The following UGT1A9 variants were observed in gnomAD, a reference collection of about 807,000 sequenced individuals.
UGT1A9 encodes UDP glucuronosyltransferase family 1 member A9, also known as UDP-glucuronosyltransferase 1A9.
In UGT1A9, 35 loss-of-function variants were observed where a neutral mutation model predicts 45.0. The observed-to-expected ratio is 0.78, with a 90% confidence interval of 0.59 to 1.03. The LOEUF (loss-of-function observed/expected upper bound fraction) is 1.03. Among genes scored for constraint, UGT1A9 ranks in the 50% least tolerant of loss-of-function variants. The pLI is 0.00. For missense variants in UGT1A9, 687 were observed against 666.6 expected, an observed-to-expected ratio of 1.03 and a Z score of -0.34; for synonymous variants, 278 against 250.6, an observed-to-expected ratio of 1.11 and a Z score of -1.03.
At chr2:233,681,395 A>T (rs4530361) in intron 1 of UGT1A9, among the ~76,000 whole-genome samples, 1 of 151,480 alleles carries the variant, frequency 6.6e-6, no homozygotes, top group African/African-American at 2.4e-5. Flanking sequence ...TTAGCTGGGC[A>T]TGGCAGCGTG....
In UGT1A9 at chr2:233,747,664, T is replaced by G. The variant is rs942017762; in HGVS notation, c.856-19370T>G. ...GCTACTTCCTTCGATGTGGTTTTAA[T>G]AGACCCAATTTACCTCTGTGGGGCA... On this transcript the variant is annotated intron_variant, in intron 1 of 4. Coordinates refer to ENST00000354728, the MANE Select transcript of UGT1A9 (RefSeq NM_021027.3). The G allele has an allele frequency of 5.0e-6, 8 of 1,600,932 alleles. No individual in the cohort carries two copies. The African/African-American group carries it at 1.1e-4, about 22-fold the overall frequency.
At chr2:233,743,741 G>T (rs374389189) in intron 1 of UGT1A9, 6 of 1,367,230 alleles carry the variant, frequency 4.4e-6, no homozygotes, top group Non-Finnish European at 4.9e-6. Flanking sequence ...GCGTTTCTTG[G>T]CGTCCGACAA....
At chr2:233,728,607 C>G (rs868048236) in intron 1 of UGT1A9, among the ~76,000 whole-genome samples, 1 of 152,210 alleles carries the variant, frequency 6.6e-6, no homozygotes, top group South Asian at 2.1e-4. Flanking sequence ...CCAGCCTCCA[C>G]GCTGTTCAGA....
At chr2:233,689,804 T>C (rs2074959921) in intron 1 of UGT1A9, 1 of 438,570 alleles carries the variant, frequency 2.3e-6, no homozygotes. Context: ...GTAGTTTCTA[T>C]AGGAAACCAA....
chr2:233,748,790 T>G (rs913029718), intron 1 of UGT1A9, among the ~76,000 whole-genome samples: 4 of 151,342 alleles, frequency 2.6e-5, no homozygotes, highest in African/African-American at 9.8e-5. Context: ...CTACTTGGAA[T>G]GCTGAAATTA....
intron 4 of UGT1A9, chr2:233,771,032 G>A (rs560864303): frequency 1.4e-4 from 22 of 152,232 alleles, no homozygotes; most frequent in African/African-American, 4.8e-4. Flanking sequence ...AGTTGGGGGG[G>A]AAGGTGCCAC....
chr2:233,725,665 A>G (rs933805382), intron 1 of UGT1A9, among the ~76,000 whole-genome samples: 6 of 152,202 alleles, frequency 3.9e-5, no homozygotes, highest in Admixed American at 3.9e-4. Context: ...TCAATTTGGA[A>G]TAGTCACATT....
rs193246215 is a variant in UGT1A9, at chr2:233,754,852, G to A, written c.856-12182G>A. On this transcript the variant is annotated intron_variant, in intron 1 of 4. Coordinates refer to ENST00000354728, the MANE Select transcript of UGT1A9 (RefSeq NM_021027.3). ...GGAAATTCACTGAAGGCAGAGAAAAGGGGTGCAGACCCTCTGCTTCTGCTT... is the reference window on the plus strand; with the variant it reads ...GGAAATTCACTGAAGGCAGAGAAAAAGGGTGCAGACCCTCTGCTTCTGCTT... 19 of 1,345,310 alleles carry A rather than the reference G, an allele frequency of 1.4e-5. No individual in the cohort carries two copies. The Middle Eastern group carries it at 6.3e-4, about 45-fold the overall frequency. The allele number at this position is 1,345,310 out of a possible 1,614,324, so 83.3% of individuals were successfully genotyped here. A position where few individuals can be genotyped will look rare whatever the true frequency, so the allele number is the denominator to read the frequency against.
At chr2:233,743,809 AGGGTTTTTGTC>A in intron 1 of UGT1A9, 1 of 1,367,146 alleles carries the variant, frequency 7.3e-7, no homozygotes, top group Non-Finnish European at 9.8e-7. Context: ...CCTTGTTCTC[AGGGTTTTTGTC>A]GGGGTGCCAC....
intron 1 of UGT1A9, among the ~76,000 whole-genome samples, chr2:233,758,983 C>T (rs544214589): frequency 1.3e-5 from 2 of 152,264 alleles, no homozygotes; most frequent in South Asian, 4.2e-4. Context: ...GATCTTGGGC[C>T]AGTGGAATGA....
chr2:233,737,179 C>T (rs2078848793), intron 1 of UGT1A9, among the ~76,000 whole-genome samples: 1 of 152,230 alleles, frequency 6.6e-6, no homozygotes, highest in South Asian at 2.1e-4. Context: ...TCTATAGCGG[C>T]AGTAGCCCTT....
At chr2:233,720,878 T>TTG (rs1425776914) in intron 1 of UGT1A9, among the ~76,000 whole-genome samples, 1 of 150,714 alleles carries the variant, frequency 6.6e-6, no homozygotes, top group African/African-American at 2.4e-5. Context: ...GCAATTTTTT[T>TTG]TTTTTTTTTT....
chr2:233,767,823 C>T (rs763238770), intron 2 of UGT1A9, 26 bp from the exon 3 acceptor site: 36 of 1,614,026 alleles, frequency 2.2e-5, no homozygotes, highest in Non-Finnish European at 2.7e-5. Context: ...TCTTTCTTTA[C>T]GTTCTGCTCT....
At chr2:233,689,671 A>G (rs1559343739) in intron 1 of UGT1A9, among the ~76,000 whole-genome samples, 2 of 152,208 alleles carry the variant, frequency 1.3e-5, no homozygotes, top group East Asian at 1.9e-4. Context: ...CCAAGAACAA[A>G]GAATGGCTGT....
intron 1 of UGT1A9, among the ~76,000 whole-genome samples, chr2:233,709,652 C>CTTTG (rs930878548): frequency 6.6e-6 from 1 of 152,042 alleles, no homozygotes; most frequent in Non-Finnish European, 1.5e-5. Flanking sequence ...ATAGGTAGGG[C>CTTTG]TTTGTATAGT....
intron 1 of UGT1A9, among the ~76,000 whole-genome samples, chr2:233,766,812 C>T (rs2126028424): frequency 6.6e-6 from 1 of 152,290 alleles, no homozygotes; most frequent in African/African-American, 2.4e-5. Context: ...GATTTTGCAT[C>T]TCAAGGATAA....
chr2:233,695,360 G>A (rs1162074854), intron 1 of UGT1A9, among the ~76,000 whole-genome samples: 1 of 151,726 alleles, frequency 6.6e-6, no homozygotes, highest in African/African-American at 2.4e-5. Flanking sequence ...TCTTGACCTC[G>A]TGGTCCGCCC....
At position 233,772,501 on chromosome 2, in the gene UGT1A9, G is replaced by T. The variant is rs778667717; in HGVS notation, c.1535G>T (p.Arg512Leu). 1.3e-5 allele frequency: 21 copies of T among 1,614,038 alleles called. No homozygotes were observed. In the African/African-American group the frequency reaches 2.5e-4, roughly 19 times the overall value. The change falls in exon 5 of 5, where the codon CGG (arginine) becomes CTG (leucine). Residue 512 changes from arginine to leucine, a missense_variant. By Grantham distance (102) the Arg-to-Leu change is moderately radical. Coordinates refer to ENST00000354728, the MANE Select transcript of UGT1A9 (RefSeq NM_021027.3). ...ITFKCCAYGY[R>L]KCLGKKGRVK... Reference sequence around the variant, plus strand: ...TTTAAATGTTGTGCTTATGGCTACCGGAAATGCTTGGGGAAAAAAGGGCGA... The same window carrying T: ...TTTAAATGTTGTGCTTATGGCTACCTGAAATGCTTGGGGAAAAAAGGGCGA...
chr2:233,735,338 T>G (rs1239211349), intron 1 of UGT1A9, among the ~76,000 whole-genome samples: 2 of 151,114 alleles, frequency 1.3e-5, no homozygotes, highest in Non-Finnish European at 3.0e-5. Context: ...CAACCCCTGC[T>G]TTTTTTTTGC....
Sources: allele counts gnomAD v4.1 joint callset (sites outside exome capture counted in the v4.1 genomes callset), GRCh38; gene constraint gnomAD v4.1.1; transcripts MANE v1.5; gene names NCBI Gene and HGNC (gene_info 2026-07-23, HGNC 2026-07-21).